The following MTMR12 variants were observed in gnomAD, a reference collection of about 807,000 sequenced individuals.
The protein encoded by MTMR12 is myotubularin related protein 12, also known as myotubularin-related protein 12.
In MTMR12, 33 loss-of-function variants were observed where a neutral mutation model predicts 96.7. That is an observed-to-expected ratio of 0.34 (90% CI 0.26 to 0.46). The LOEUF is 0.46. Among genes scored for constraint, MTMR12 ranks in the 20% least tolerant of loss-of-function variants. The pLI is 1.00. For missense variants in MTMR12, 721 were observed against 896.1 expected (o/e 0.80, Z 2.49); for synonymous variants, 298 against 327.2 (o/e 0.91, Z 0.96).
rs1748495902 is a variant in MTMR12 at position 32,242,050 on chromosome 5, A to G, written c.1171+7T>C. The G allele has an allele frequency of 2.5e-6, 4 of 1,605,508 alleles. No individual in the cohort carries two copies. Among genetic ancestry groups the G allele is most frequent in the Non-Finnish European group, 3.4e-6 (4 of 1,173,004 alleles). ...GGAAATCATCCTTTGTGCTTCCTAT[A>G]TATTACCTAAAAGAAGAACATTCAT... On this transcript the variant is annotated splice_region_variant and intron_variant, in intron 12 of 15. Coordinates refer to ENST00000382142, the MANE Select transcript of MTMR12 (RefSeq NM_001040446.3).
Position 32,229,832 on chromosome 5 carries a change from A to G in MTMR12, c.2190T>C (p.Asp730=). Reference sequence around the variant, plus strand: ...CTTCTCGTTTGGCCAAATCGTCTTCATCTCCCAAAGCTTTCCAGCCACTGG... The same window carrying G: ...CTTCTCGTTTGGCCAAATCGTCTTCGTCTCCCAAAGCTTTCCAGCCACTGG... ...LPTSGWKALG[D]EDDLAKREDE... The change falls in exon 16 of 16, where the codon GAT becomes GAC. Residue 730 remains aspartate, a synonymous_variant. Transcript: ENST00000382142. The G allele has an allele frequency of 6.3e-7, 1 of 1,584,934 alleles. No individual in the cohort carries two copies. Among genetic ancestry groups the G allele is most frequent in the Non-Finnish European group, 8.6e-7 (1 of 1,166,200 alleles).
chr5:32,292,017 A>G (rs1394196129), intron 1 of MTMR12, among the ~76,000 whole-genome samples: 1 of 152,122 alleles, frequency 6.6e-6, no homozygotes, highest in African/African-American at 2.4e-5. Context: ...TCCACACAGC[A>G]TTGCCTCTGA....
chr5:32,281,262 A>AAC (rs1750283664), intron 1 of MTMR12, among the ~76,000 whole-genome samples: 1 of 150,372 alleles, frequency 6.7e-6, no homozygotes, highest in East Asian at 2.0e-4. Flanking sequence ...AAAAAAAAAA[A>AAC]AACAAAAAAA....
chr5:32,273,828 C>T, intron 3 of MTMR12, 152 bp downstream of exon 3: 2 of 1,190,882 alleles, frequency 1.7e-6, no homozygotes, highest in Non-Finnish European at 2.4e-6. Flanking sequence ...TCCCCCCAAA[C>T]TTCACCAAAT....
Position 32,229,927 on chromosome 5 carries a change from A to T in MTMR12, c.2095T>A (p.Ser699Thr), listed in dbSNP as rs764617434. Residue 699 changes from serine to threonine, a missense_variant, in exon 16 of 16, where the codon TCT becomes ACT. Coordinates refer to ENST00000382142, the MANE Select transcript of MTMR12 (RefSeq NM_001040446.3). ...QAEAPCLLRN[S>T]ARLSSLFPFA... ...GGAAACAAAGACGAGAGGCGGGCAG[A>T]GTTCCTCAGCAGGCAGGGGGCCTCA... is the stretch of plus-strand genomic sequence containing the variant. 88 of 1,612,650 alleles carry T rather than the reference A, an allele frequency of 5.5e-5. No homozygotes were observed. The highest frequency in any genetic ancestry group is 7.4e-5 in the Non-Finnish European group (87 of 1,179,160).
intron 13 of MTMR12, 34 bp downstream of exon 13, chr5:32,238,967 T>C (rs766342351): frequency 6.5e-7 from 1 of 1,531,820 alleles, no homozygotes; most frequent in Non-Finnish European, 8.8e-7. Flanking sequence ...TAGTTCTCCC[T>C]ATGACGGAAA....
At chr5:32,293,513 G>C (rs1363551067) in intron 1 of MTMR12, among the ~76,000 whole-genome samples, 1 of 152,114 alleles carries the variant, frequency 6.6e-6, no homozygotes, top group Non-Finnish European at 1.5e-5. Context: ...CCTGTTGTGG[G>C]ACCCTGTGAT....
rs539484690 is a variant in MTMR12 at position 32,301,537 on chromosome 5, T to TA, written c.81+11220dup. 2.0e-3 allele frequency among the ~76,000 whole-genome samples: 304 copies of TA among 152,338 alleles called. 1 individual carries two copies. Among genetic ancestry groups the TA allele is most frequent in the African/African-American group, 6.8e-3 (283 of 41,552 alleles). ...ATTCAATTTTATGTTTGGAGGAACA[T>TA]AGATTTTTTTATTTGAAAAACAGGA... On this transcript the variant is annotated intron_variant, in intron 1 of 15. Transcript: ENST00000382142.
chr5:32,228,470 C>G lies in MTMR12; in HGVS notation c.*1308G>C, dbSNP rs112324280. ...CGATTTGACAGGGTTCCACTGAGAA[C>G]AAAAAAATCTGCTCCTTACAAAGTA... On this transcript the variant is annotated 3_prime_UTR_variant, in exon 16 of 16. Coordinates refer to ENST00000382142, the MANE Select transcript of MTMR12 (RefSeq NM_001040446.3). 1.4e-5 allele frequency: 2 copies of G among 143,592 alleles called. No individual in the cohort carries two copies. The highest frequency in any genetic ancestry group is 5.2e-5 in the African/African-American group (2 of 38,718). The allele number at this position is 143,592 out of a possible 1,614,324, so 8.9% of individuals were successfully genotyped here.
At chr5:32,262,600 C>G (rs531515553) in intron 7 of MTMR12, among the ~76,000 whole-genome samples, 4 of 152,074 alleles carry the variant, frequency 2.6e-5, no homozygotes, top group African/African-American at 9.6e-5. Flanking sequence ...GGAGCAAGAC[C>G]CTGTCTCAAA....
chr5:32,250,566 C>T (rs1013634604), intron 8 of MTMR12, among the ~76,000 whole-genome samples: 1 of 152,312 alleles, frequency 6.6e-6, no homozygotes, highest in Middle Eastern at 3.4e-3. Flanking sequence ...AATTTTGGTG[C>T]CCAGGCAATT....
At chr5:32,259,939 G>A (rs1031713316) in intron 7 of MTMR12, among the ~76,000 whole-genome samples, 3 of 151,888 alleles carry the variant, frequency 2.0e-5, no homozygotes, top group Admixed American at 6.6e-5. Flanking sequence ...GGGAGGCTGA[G>A]GCAGGAGAAT....
chr5:32,244,144 G>A (rs1748582400), intron 10 of MTMR12, among the ~76,000 whole-genome samples: 1 of 152,150 alleles, frequency 6.6e-6, no homozygotes, highest in Non-Finnish European at 1.5e-5. Flanking sequence ...GCTGGGTGCT[G>A]TGGCTCATGC....
chr5:32,251,329 A>G (rs1318412196), intron 8 of MTMR12, among the ~76,000 whole-genome samples: 1 of 152,178 alleles, frequency 6.6e-6, no homozygotes, highest in Non-Finnish European at 1.5e-5. Context: ...AATAGAGTCA[A>G]AAACAGAGCT....
intron 1 of MTMR12, among the ~76,000 whole-genome samples, chr5:32,285,634 G>A (rs1750510671): frequency 1.3e-5 from 2 of 152,222 alleles, no homozygotes; most frequent in African/African-American, 2.4e-5. Context: ...ATCCCACTGC[G>A]AGTATCAGCA....
intron 3 of MTMR12, 94 bp downstream of exon 3, chr5:32,273,886 G>C: frequency 6.5e-7 from 1 of 1,534,912 alleles, no homozygotes; most frequent in Admixed American, 1.8e-5. Flanking sequence ...ATGTGTGTTA[G>C]GGGGTAGAGT....
intron 1 of MTMR12, among the ~76,000 whole-genome samples, chr5:32,296,831 G>A (rs914933359): frequency 3.4e-5 from 5 of 149,250 alleles, no homozygotes; most frequent in Non-Finnish European, 5.9e-5. Flanking sequence ...GGCCGGGCGC[G>A]GTGGCTCACG....
chr5:32,228,516 A>ATATATATCATATATATGAT lies in MTMR12; in HGVS notation c.*1261_*1262insATCATATATATGATATATA, dbSNP rs1400778000. 5 of 108,226 alleles carry ATATATATCATATATATGAT rather than the reference A, an allele frequency of 4.6e-5. No individual in the cohort carries two copies. Among genetic ancestry groups the ATATATATCATATATATGAT allele is most frequent in the Middle Eastern group, 5.7e-3 (1 of 174 alleles). 6.7% of individuals were successfully genotyped at this position (108,226 alleles called of 1,614,324 possible). ...AAGTATACTTTCCTGCATTAAAAAA[A>ATATATATCATATATATGAT]ATATATATCATATATATGATATATA... On this transcript the variant is annotated 3_prime_UTR_variant, in exon 16 of 16. Transcript: ENST00000382142.
In MTMR12 at chr5:32,231,705, A is replaced by G. The variant is rs77439959; in HGVS notation, c.1675-1358T>C. 3.1e-3 allele frequency among the ~76,000 whole-genome samples: 465 copies of G among 152,310 alleles called. 2 individuals carry two copies. Among genetic ancestry groups the G allele is most frequent in the African/African-American group, 0.01 (432 of 41,562 alleles). ...AACCATCCACAAGACCACAGCTCGG[A>G]GGTGACCAGGATTTGACTTTCCATC... On this transcript the variant is annotated intron_variant, in intron 15 of 15. Transcript: ENST00000382142.
Sources: gnomAD v4.1 joint callset for allele counts (sites outside exome capture counted in the v4.1 genomes callset) on GRCh38, gnomAD v4.1.1 for gene constraint, MANE v1.5 for transcripts, NCBI Gene and HGNC (gene_info 2026-07-23, HGNC 2026-07-21) for gene names.